SAFB2: variants seen among roughly 807,000 people sequenced by gnomAD.
SAFB2 encodes the protein scaffold attachment factor B2.
A neutral mutation model predicts 100.6 loss-of-function variants in SAFB2; 32 were observed. That is an observed-to-expected ratio of 0.32 (90% confidence interval 0.24 to 0.43). The LOEUF (loss-of-function observed/expected upper bound fraction) is 0.43, where lower values mean the gene tolerates loss of function less well. Among genes scored for constraint, SAFB2 ranks in the 20% least tolerant of loss-of-function variants. The pLI is 1.00. For synonymous variants in SAFB2, 500 were observed against 439.4 expected, an observed-to-expected ratio of 1.14 and a Z score of -1.72; for missense variants, 1,185 against 1,163.4, an observed-to-expected ratio of 1.02 and a Z score of -0.27.
rs1302474619 is a variant in SAFB2 at position 5,600,153 on chromosome 19, T to C, written c.1667A>G (p.Asn556Ser). The C allele has an allele frequency of 1.9e-6, 3 of 1,613,934 alleles. No homozygotes were observed. The highest frequency in any genetic ancestry group is 2.5e-6 in the Non-Finnish European group (3 of 1,179,996). Residue 556 changes from asparagine to serine, a missense_variant, in exon 12 of 21, where the codon AAT (asparagine) becomes AGT (serine). Physicochemically the swap from Asn to Ser is conservative, Grantham distance 46. Coordinates refer to ENST00000252542, the MANE Select transcript of SAFB2 (RefSeq NM_014649.3). ...ACCTGATTTGGTGACTCTAGACCGA[T>C]TTGTAGGTCCGGGTTTCAGCTCATC... ...DQDELKPGPTNRSRVTKSGSR... is the reference protein window; with the variant it reads ...DQDELKPGPTSRSRVTKSGSR...
rs2052264187 is a variant in SAFB2, at chr19:5,587,008, T to G, written c.*235A>C. On this transcript the variant is annotated 3_prime_UTR_variant, in exon 21 of 21. Coordinates refer to ENST00000252542, the MANE Select transcript of SAFB2 (RefSeq NM_014649.3). This position sits in a 1 kb window ranked among gnomAD's most constrained non-coding sequence, Gnocchi z 4.9. ...CACGCGCACGCAAGACTGCGAATGG[T>G]AAACTTTATTAATGGAAAATGGAAT... 6.6e-6 allele frequency: 4 copies of G among 606,748 alleles called. No individual in the cohort carries two copies. In the South Asian group the frequency reaches 9.7e-5, roughly 15 times the overall value. The allele number at this position is 606,748 out of a possible 1,614,324, so 37.6% of individuals were successfully genotyped here.
chr19:5,604,778 C>A lies in SAFB2; in HGVS notation c.1446+9G>T. 3.1e-6 allele frequency: 5 copies of A among 1,613,998 alleles called. No homozygotes were observed. Among genetic ancestry groups the A allele is most frequent in the Non-Finnish European group, 4.2e-6 (5 of 1,179,852 alleles). On this transcript the variant is annotated intron_variant, in intron 10 of 20. Transcript: ENST00000252542. ...ATTTGCGAGTTACCATAGACGAGAACTGCCTCACCTTCTCTACGGAGATCA... is the reference window on the plus strand; with the variant it reads ...ATTTGCGAGTTACCATAGACGAGAAATGCCTCACCTTCTCTACGGAGATCA...
Position 5,587,820 on chromosome 19 carries a change from C to A in SAFB2, c.2638+48G>T. 1.3e-6 allele frequency: 2 copies of A among 1,572,612 alleles called. No homozygotes were observed. The highest frequency in any genetic ancestry group is 2.3e-5 in the South Asian group (2 of 86,574). ...CTCCGTTCCTGGGGAAGCCCCTGGA[C>A]ACATGTGGGGGCCACAGCCACCCTC... On this transcript the variant is annotated intron_variant, in intron 19 of 20. Coordinates refer to ENST00000252542, the MANE Select transcript of SAFB2 (RefSeq NM_014649.3). The surrounding 1 kb of genome is among the most constrained non-coding windows in gnomAD (Gnocchi z 4.9).
chr19:5,595,843 G>C (rs377327082), intron 13 of SAFB2, among the ~76,000 whole-genome samples: 6 of 152,224 alleles, frequency 3.9e-5, no homozygotes, highest in African/African-American at 7.2e-5. Flanking sequence ...GGGCACATCC[G>C]CACAGGGCCA....
At chr19:5,615,172 G>C (rs1453202830) in intron 4 of SAFB2, among the ~76,000 whole-genome samples, 2 of 152,130 alleles carry the variant, frequency 1.3e-5, no homozygotes, top group South Asian at 4.2e-4. Flanking sequence ...GGCCAACATG[G>C]TGAAACCCCA....
intron 15 of SAFB2, chr19:5,593,612 G>A (rs1387795531): frequency 9.9e-6 from 4 of 402,938 alleles, no homozygotes; most frequent in East Asian, 4.1e-5. Flanking sequence ...GGTAAGTGGA[G>A]AGGAAAAGCA....
Position 5,622,699 on chromosome 19 carries a change from G to C in SAFB2, c.17C>G (p.Pro6Arg), listed in dbSNP as rs1158177305. 6.2e-7 allele frequency: 1 copy of C among 1,604,536 alleles called. No individual in the cohort carries two copies. The highest frequency in any genetic ancestry group is 1.7e-5 in the Admixed American group (1 of 59,770). ...GCCAGGGCCCGAGTCGCCCGACCCG[G>C]GCAGAGTCTCCGCCATCGTCGCGTT... Reference protein sequence around the residue: MAETLPGSGDSGPGTA... With the variant: MAETLRGSGDSGPGTA... Residue 6 changes from proline to arginine, a missense_variant, in exon 1 of 21, where the codon CCC (proline) becomes CGC (arginine). By Grantham distance (103) the Pro-to-Arg change is moderately radical. Coordinates refer to ENST00000252542, the MANE Select transcript of SAFB2 (RefSeq NM_014649.3).
rs755783519 is a variant in SAFB2 at position 5,613,520 on chromosome 19, C to G, written c.551G>C (p.Gly184Ala). 4 of 1,613,820 alleles carry G rather than the reference C, an allele frequency of 2.5e-6. No individual in the cohort carries two copies. Among genetic ancestry groups the G allele is most frequent in the Admixed American group, 1.7e-5 (1 of 59,938 alleles). The stretch of plus-strand genomic sequence containing the variant: ...TTCCAAAGTGTTCTTAAATCCTTCC[C>G]CATCCACCTGAAAAACAAAATGGAA... ...PAQPPEHAVD[G>A]EGFKNTLETS... is the part of the protein sequence containing the mutation. The change falls in exon 5 of 21, where the codon GGG (glycine) becomes GCG (alanine). Residue 184 changes from glycine (G) to alanine (A), a missense_variant. Physicochemically the swap from Gly to Ala is moderately conservative, Grantham distance 60. Around this residue, in one of 3 missense-constraint regions of SAFB2, gnomAD observed 351 missense variants for 341.2 expected, o/e 1.03. Coordinates refer to ENST00000252542, the MANE Select transcript of SAFB2 (RefSeq NM_014649.3).
In SAFB2 at chr19:5,587,592, G is replaced by A. The variant is rs2052284702; in HGVS notation, c.2705+109C>T. The A allele has an allele frequency of 6.9e-7, 1 of 1,454,414 alleles. No homozygotes were observed. Among genetic ancestry groups the A allele is most frequent in the Non-Finnish European group, 9.1e-7 (1 of 1,093,776 alleles). The allele number at this position is 1,454,414 out of a possible 1,614,324, so 90.1% of individuals were successfully genotyped here. The stretch of plus-strand genomic sequence containing the variant: ...CATAAATTGCAAAGAGCTGCTTTTT[G>A]CTTTGTTTTCATAACATCCAACCCA... On this transcript the variant is annotated intron_variant, in intron 20 of 20. Coordinates refer to ENST00000252542, the MANE Select transcript of SAFB2 (RefSeq NM_014649.3). The surrounding 1 kb of genome is among the most constrained non-coding windows in gnomAD (Gnocchi z 4.9).
intron 4 of SAFB2, among the ~76,000 whole-genome samples, chr19:5,613,977 G>C (rs1168679812): frequency 1.3e-5 from 2 of 152,120 alleles, no homozygotes; most frequent in African/African-American, 4.8e-5. Context: ...ATTTGAGACG[G>C]AGTGTCACTC....
At chr19:5,603,562 G>A (rs1182612520) in intron 11 of SAFB2, among the ~76,000 whole-genome samples, 1 of 152,144 alleles carries the variant, frequency 6.6e-6, no homozygotes, top group East Asian at 1.9e-4. Flanking sequence ...TTTGATTAAA[G>A]ATATAAATCA....
At chr19:5,608,277 C>T (rs913267471) in intron 9 of SAFB2, among the ~76,000 whole-genome samples, 20 of 152,170 alleles carry the variant, frequency 1.3e-4, no homozygotes, top group Non-Finnish European at 2.6e-4. Flanking sequence ...AACACACTGA[C>T]GGCGTGCTCT....
intron 10 of SAFB2, 44 bp downstream of exon 10, chr19:5,604,743 T>C: frequency 1.2e-6 from 2 of 1,613,880 alleles, no homozygotes; most frequent in Non-Finnish European, 1.7e-6. Flanking sequence ...GCTTCTCACT[T>C]GCAAACTCCA....
intron 18 of SAFB2, among the ~76,000 whole-genome samples, chr19:5,589,364 G>GGGACACTCGGCACAGCACC (rs2052337753): frequency 1.3e-5 from 2 of 152,134 alleles, no homozygotes; most frequent in Non-Finnish European, 2.9e-5. Flanking sequence ...CGGGTGTCCT[G>GGGACACTCGGCACAGCACC]GGACACTCGG....
intron 16 of SAFB2, 95 bp from the exon 17 acceptor site, chr19:5,591,888 C>T (rs1392921970): frequency 1.7e-6 from 2 of 1,185,566 alleles, no homozygotes; most frequent in Non-Finnish European, 2.5e-6. Flanking sequence ...CTTTTTCCAT[C>T]CCATCACATA....
chr19:5,593,161 C>T (rs1009736754), intron 15 of SAFB2, among the ~76,000 whole-genome samples: 1 of 152,234 alleles, frequency 6.6e-6, no homozygotes, highest in African/African-American at 2.4e-5. Flanking sequence ...CTGTTATTAC[C>T]TTGATCCCCC....
At chr19:5,598,957 T>C (rs1205848164) in intron 12 of SAFB2, 73 bp from the exon 13 acceptor site, 1 of 1,379,240 alleles carries the variant, frequency 7.3e-7, no homozygotes, top group African/African-American at 1.4e-5. Context: ...AGCACTCTGA[T>C]GGACCCTGGG....
At chr19:5,610,119 G>T in intron 8 of SAFB2, 24 bp from the exon 9 acceptor site, 1 of 1,600,548 alleles carries the variant, frequency 6.2e-7, no homozygotes, top group African/African-American at 1.3e-5. Flanking sequence ...GAGATTCTTA[G>T]GCATCACCCC....
Position 5,599,169 on chromosome 19 carries a change from C to T in SAFB2, c.1691-285G>A, listed in dbSNP as rs566382267. 3.0e-4 allele frequency among the ~76,000 whole-genome samples: 45 copies of T among 152,250 alleles called. No homozygotes were observed. In the South Asian group the frequency reaches 6.2e-3, roughly 21 times the overall value. The stretch of plus-strand genomic sequence containing the variant: ...CACAAGCACGGCCATCCTGCAGAGC[C>T]CTCCGTGACCCTCCACTCTAAACCC... On this transcript the variant is annotated intron_variant, in intron 12 of 20. Coordinates refer to ENST00000252542, the MANE Select transcript of SAFB2 (RefSeq NM_014649.3).
Sources: allele counts gnomAD v4.1 joint callset (sites outside exome capture counted in the v4.1 genomes callset), GRCh38; gene constraint gnomAD v4.1.1; regional missense constraint gnomAD v4.1.1; non-coding constraint Gnocchi (gnomAD v3.1); transcripts MANE v1.5; gene names NCBI Gene and HGNC (gene_info 2026-07-23, HGNC 2026-07-21).